The following ADIPOR2 variants were observed in gnomAD, a reference collection of about 807,000 sequenced individuals.
ADIPOR2 encodes the protein adiponectin receptor 2.
In ADIPOR2, 18 loss-of-function variants were observed where a neutral mutation model predicts 40.9. That is an observed-to-expected ratio of 0.44 (90% CI 0.30 to 0.65). The LOEUF is 0.65. ADIPOR2 is among the 30% of genes least tolerant of loss of function. The pLI is 0.09. For missense variants in ADIPOR2, 283 were observed against 479.2 expected (o/e 0.59, Z 3.82); for synonymous variants, 165 against 166.4 (o/e 0.99, Z 0.06).
intron 3 of ADIPOR2, among the ~76,000 whole-genome samples, chr12:1,777,371 ATTTTTTCTTTCTTTTT>A (rs1029101874): frequency 8.9e-6 from 1 of 111,786 alleles, no homozygotes; most frequent in Non-Finnish European, 1.9e-5. Flanking sequence ...TTAAAAGTAT[ATTTTTTCTTTCTTTTT>A]TTTTTTTTTT....
At chr12:1,710,926 C>G (rs910778730) in intron 1 of ADIPOR2, among the ~76,000 whole-genome samples, 10 of 151,982 alleles carry the variant, frequency 6.6e-5, no homozygotes, top group Non-Finnish European at 1.5e-4. Context: ...GGCCTGAAGG[C>G]GAGTAATAGC....
Position 1,788,084 on chromosome 12 carries a change from A to G in ADIPOR2, c.*2012A>G, listed in dbSNP as rs902621513. ...AGCCAGACTTGCTCTTCGGTCATGC[A>G]CTTTGGGATACAGCGTATAGGTGCA... is the stretch of plus-strand genomic sequence containing the variant. On this transcript the variant is annotated 3_prime_UTR_variant, in exon 8 of 8. Coordinates refer to ENST00000357103, the MANE Select transcript of ADIPOR2 (RefSeq NM_024551.3). 3.9e-5 allele frequency: 6 copies of G among 152,698 alleles called. No homozygotes were observed. The highest frequency in any genetic ancestry group is 9.6e-5 in the African/African-American group (4 of 41,460). The allele number at this position is 152,698 out of a possible 1,614,324, so 9.5% of individuals were successfully genotyped here.
chr12:1,771,875 C>T (rs537610808), intron 2 of ADIPOR2, among the ~76,000 whole-genome samples: 1 of 152,276 alleles, frequency 6.6e-6, no homozygotes, highest in East Asian at 1.9e-4. Context: ...TTCTCTTGTG[C>T]TGTCTTATTC....
At chr12:1,744,017 A>G (rs904930814) in intron 1 of ADIPOR2, among the ~76,000 whole-genome samples, 5 of 152,268 alleles carry the variant, frequency 3.3e-5, no homozygotes, top group Admixed American at 6.5e-5. Context: ...GATAGAGGTT[A>G]TAGGATGGTC....
chr12:1,785,799 G>A, intron 7 of ADIPOR2, 145 bp from the exon 8 acceptor site: 1 of 1,111,428 alleles, frequency 9.0e-7, no homozygotes, highest in Non-Finnish European at 1.3e-6. Context: ...TCCAGGATCT[G>A]TGGACGCCTT....
rs373773620 is a variant in ADIPOR2, at chr12:1,781,003, G to A, written c.765G>A (p.Val255=). 47 of 1,613,682 alleles carry A rather than the reference G, an allele frequency of 2.9e-5. No individual in the cohort carries two copies. Among genetic ancestry groups the A allele is most frequent in the East Asian group, 1.8e-4 (8 of 44,836 alleles). ...TCATCTACTTGATTGTCATCTGTGT[G>A]CTGGGCATTGCAGCCATTATAGTCT... The part of the protein sequence containing the change: ...PCFIYLIVIC[V]LGIAAIIVSQ... Residue 255 remains valine, a synonymous_variant, in exon 6 of 8, where the codon GTG becomes GTA. Transcript: ENST00000357103.
chr12:1,700,812 G>A (rs111359179), intron 1 of ADIPOR2, among the ~76,000 whole-genome samples: 1,762 of 125,748 alleles, frequency 0.014, 44 homozygotes, highest in African/African-American at 0.048. Flanking sequence ...AAAAAAAAAA[G>A]GTGAGGGCTA....
chr12:1,743,543 C>A (rs966894547), intron 1 of ADIPOR2, among the ~76,000 whole-genome samples: 6 of 151,844 alleles, frequency 4.0e-5, no homozygotes, highest in Non-Finnish European at 7.4e-5. Flanking sequence ...GGTGGGCACA[C>A]GCCTGTAGTC....
chr12:1,695,281 G>C lies in ADIPOR2; in HGVS notation c.-87+4090G>C, dbSNP rs1194335556. Among the ~76,000 whole-genome samples, 7 of 151,834 alleles carry C rather than the reference G, an allele frequency of 4.6e-5. No individual in the cohort carries two copies. In the East Asian group the frequency reaches 1.2e-3, roughly 25 times the overall value. On this transcript the variant is annotated intron_variant, in intron 1 of 7. Transcript: ENST00000357103. ...GAGGTGGGAGGATTGCTTGAGGCTA[G>C]GAGTTTGAGACCAGTCTGGGCAACA...
intron 1 of ADIPOR2, among the ~76,000 whole-genome samples, chr12:1,713,070 T>C (rs2094680746): frequency 6.6e-6 from 1 of 152,078 alleles, no homozygotes; most frequent in South Asian, 2.1e-4. Flanking sequence ...CTTGGACCAG[T>C]GCCTGACCAA....
At chr12:1,748,318 G>T (rs559138134) in intron 1 of ADIPOR2, among the ~76,000 whole-genome samples, 15 of 151,906 alleles carry the variant, frequency 9.9e-5, no homozygotes, top group Non-Finnish European at 1.5e-4. Flanking sequence ...GCGCGATCTC[G>T]GCTCACTGCA....
In ADIPOR2 at chr12:1,733,654, C is replaced by A. The variant is rs559214567; in HGVS notation, c.-86-20604C>A. Among the ~76,000 whole-genome samples, 3 of 152,160 alleles carry A rather than the reference C, an allele frequency of 2.0e-5. No homozygotes were observed. In the East Asian group the frequency reaches 5.8e-4, roughly 29 times the overall value. On this transcript the variant is annotated intron_variant, in intron 1 of 7. Transcript: ENST00000357103. ...TAAGTTTTAGGGTACATGTGCACAACATGCAGGTTTGTTACATATGTGTAC... is the reference window on the plus strand; with the variant it reads ...TAAGTTTTAGGGTACATGTGCACAAAATGCAGGTTTGTTACATATGTGTAC...
intron 2 of ADIPOR2, among the ~76,000 whole-genome samples, chr12:1,765,914 A>G (rs1160161904): frequency 6.6e-6 from 1 of 152,166 alleles, no homozygotes. Context: ...TCTTTCAGGT[A>G]CTCAGACTTG....
intron 1 of ADIPOR2, among the ~76,000 whole-genome samples, chr12:1,751,472 G>T (rs1195697990): frequency 2.0e-5 from 3 of 152,032 alleles, no homozygotes; most frequent in African/African-American, 7.2e-5. Flanking sequence ...CTGAGATGAG[G>T]ATTACAAAAC....
rs1003981806 is a variant in ADIPOR2 at position 1,757,500 on chromosome 12, A to G, written c.171+2986A>G. On this transcript the variant is annotated intron_variant, in intron 2 of 7. Coordinates refer to ENST00000357103, the MANE Select transcript of ADIPOR2 (RefSeq NM_024551.3). ...CACCATGCATAGGTTACCATTGTCA[A>G]ACTTGATGAAATTGGTAATCTTGCC... The G allele has an allele frequency of 3.9e-6, 3 of 759,842 alleles. No individual in the cohort carries two copies. The African/African-American group carries it at 5.1e-5, about 13-fold the overall frequency. 47.1% of individuals were successfully genotyped at this position (759,842 alleles called of 1,614,324 possible).
chr12:1,717,700 C>T (rs943401277), intron 1 of ADIPOR2, among the ~76,000 whole-genome samples: 1 of 150,302 alleles, frequency 6.7e-6, no homozygotes, highest in Non-Finnish European at 1.5e-5. Flanking sequence ...AATGAAATTC[C>T]ATCTTAAGGA....
chr12:1,773,738 G>T (rs757634236), intron 3 of ADIPOR2, among the ~76,000 whole-genome samples: 7 of 152,114 alleles, frequency 4.6e-5, no homozygotes, highest in Non-Finnish European at 8.8e-5. Flanking sequence ...TATTTAGAGA[G>T]AAATTTTTGT....
At chr12:1,747,073 A>G (rs983521480) in intron 1 of ADIPOR2, among the ~76,000 whole-genome samples, 2 of 147,616 alleles carry the variant, frequency 1.4e-5, no homozygotes, top group Non-Finnish European at 3.0e-5. Flanking sequence ...AAAATAAAAA[A>G]AACAAAACAA....
chr12:1,775,792 A>G (rs904739008), intron 3 of ADIPOR2, among the ~76,000 whole-genome samples: 3 of 152,200 alleles, frequency 2.0e-5, no homozygotes, highest in Non-Finnish European at 4.4e-5. Context: ...ACACTAAAAG[A>G]AGCAGACTGC....
Sources: gnomAD v4.1 joint callset for allele counts (sites outside exome capture counted in the v4.1 genomes callset) on GRCh38, gnomAD v4.1.1 for gene constraint, MANE v1.5 for transcripts, NCBI Gene and HGNC (gene_info 2026-07-23, HGNC 2026-07-21) for gene names.